Variants in DHRSX observed in about 807,000 individuals in gnomAD.
The protein encoded by DHRSX is dehydrogenase/reductase X-linked, also known as polyprenol dehydrogenase.
DHRSX carries 31 observed loss-of-function variants against 34.0 expected under a neutral mutation model. The observed-to-expected ratio is 0.91, with a 90% CI of 0.69 to 1.23. The LOEUF (loss-of-function observed/expected upper bound fraction) is 1.23, where lower values mean the gene tolerates loss of function less well. Ranked by LOEUF, DHRSX falls within the 50% of genes most tolerant of loss-of-function variation. The pLI, the probability that DHRSX is intolerant of heterozygous loss-of-function variation, is 0.00. For synonymous variants in DHRSX, 201 were observed against 183.8 expected (o/e 1.09, Z -0.76); for missense variants, 414 against 428.1 (o/e 0.97, Z 0.29).
chrX:2,402,052 T>C (rs981857967), intron 3 of DHRSX, among the ~76,000 whole-genome samples: 1 of 151,622 alleles, frequency 6.6e-6, no homozygotes, highest in African/African-American at 2.4e-5. Flanking sequence ...ACCCAAGAAC[T>C]AAGGAGAGAG....
chrX:2,470,682 G>C (rs2044576720), intron 1 of DHRSX, among the ~76,000 whole-genome samples: 1 of 152,120 alleles, frequency 6.6e-6, no homozygotes, highest in African/African-American at 2.4e-5. Context: ...ACTCCAGCCT[G>C]GCTATAGGAT....
intron 3 of DHRSX, among the ~76,000 whole-genome samples, chrX:2,321,579 C>T (rs183254921): frequency 2.0e-5 from 3 of 150,608 alleles, no homozygotes; most frequent in Admixed American, 1.3e-4. Flanking sequence ...TCGTGCTCCA[C>T]CCCCCTCTCT....
At chrX:2,352,855 C>T (rs2042804816) in intron 3 of DHRSX, among the ~76,000 whole-genome samples, 1 of 152,172 alleles carries the variant, frequency 6.6e-6, no homozygotes, top group Non-Finnish European at 1.5e-5. Context: ...TTGAGAACAG[C>T]AGTTCAGCTT....
intron 3 of DHRSX, among the ~76,000 whole-genome samples, chrX:2,350,385 T>C (rs1321354363): frequency 6.6e-6 from 1 of 152,016 alleles, no homozygotes; most frequent in Non-Finnish European, 1.5e-5. Flanking sequence ...ATACAGACAA[T>C]GGAATACCAC....
intron 3 of DHRSX, among the ~76,000 whole-genome samples, chrX:2,406,565 T>C (rs1204778814): frequency 6.6e-6 from 1 of 151,798 alleles, no homozygotes; most frequent in Non-Finnish European, 1.5e-5. Flanking sequence ...CTCAGCCTCC[T>C]GAGTAGCTGG....
At chrX:2,222,463 C>T (rs1390955351) in intron 6 of DHRSX, among the ~76,000 whole-genome samples, 5 of 152,184 alleles carry the variant, frequency 3.3e-5, no homozygotes, top group East Asian at 1.9e-4. Flanking sequence ...TGTGAAATTG[C>T]GAGAGTTTTA....
chrX:2,489,945 C>T (rs778692182), intron 1 of DHRSX: 16 of 1,613,788 alleles, frequency 9.9e-6, no homozygotes, highest in Middle Eastern at 3.3e-4. Flanking sequence ...GCGCTGATGC[C>T]CCACTCGATG....
intron 5 of DHRSX, among the ~76,000 whole-genome samples, chrX:2,254,887 A>AC (rs1422642663): frequency 5.7e-4 from 80 of 141,074 alleles, no homozygotes; most frequent in African/African-American, 1.9e-3. Flanking sequence ...CTTGTGATCC[A>AC]CCCCCTAGGC....
chrX:2,404,250 C>G (rs1242601342), intron 3 of DHRSX, among the ~76,000 whole-genome samples: 2 of 152,068 alleles, frequency 1.3e-5, no homozygotes, highest in Non-Finnish European at 2.9e-5. Context: ...CCCTGGGCAC[C>G]TGCATTTCTT....
intron 1 of DHRSX, among the ~76,000 whole-genome samples, chrX:2,493,864 C>G (rs34643022): frequency 6.6e-6 from 1 of 151,852 alleles, no homozygotes; most frequent in Non-Finnish European, 1.5e-5. Flanking sequence ...CCCAGCTACT[C>G]GGGAGGCTGA....
rs754962533 is a variant in DHRSX at position 2,266,903 on chromosome X, C to T, written c.433G>A (p.Glu145Lys). ...VPQRKTRDGF[E>K]EHFGLNYLGH... ...AGGTAGTTCAGGCCGAAATGTTCTT[C>T]GAATCCATCTCTGGTTTTCCTCTGA... The change falls in exon 5 of 7, where the codon GAA (glutamate) becomes AAA (lysine). Residue 145 changes from glutamate (E) to lysine (K), a missense_variant. Glu to Lys is a moderately conservative substitution (Grantham distance 56, BLOSUM62 1). Transcript: ENST00000334651. 2.5e-6 allele frequency: 4 copies of T among 1,613,942 alleles called. No individual in the cohort carries two copies. Among genetic ancestry groups the T allele is most frequent in the Admixed American group, 1.7e-5 (1 of 60,004 alleles).
At chrX:2,473,305 C>T (rs17842870) in intron 1 of DHRSX, among the ~76,000 whole-genome samples, 30,783 of 151,230 alleles carry the variant, frequency 0.2, 4,223 homozygotes, top group African/African-American at 0.39. Flanking sequence ...AGTTTATCTG[C>T]GAGTTTGAAA....
intron 3 of DHRSX, among the ~76,000 whole-genome samples, chrX:2,354,560 C>T (rs773392042): frequency 6.6e-6 from 1 of 152,312 alleles, no homozygotes; most frequent in East Asian, 1.9e-4. Context: ...CTCCCGGGTT[C>T]ACACCATTCT....
chrX:2,266,831 A>G lies in DHRSX; in HGVS notation c.505T>C (p.Ser169Pro). The G allele has an allele frequency of 1.2e-6, 2 of 1,613,796 alleles. No individual in the cohort carries two copies. The highest frequency in any genetic ancestry group is 1.7e-6 in the Non-Finnish European group (2 of 1,179,830). Residue 169 changes from serine (S) to proline (P), a missense_variant, in exon 5 of 7, where the codon TCT (serine) becomes CCT (proline). Coordinates refer to ENST00000334651, the MANE Select transcript of DHRSX (RefSeq NM_145177.3). Reference protein sequence around the residue: ...TNLLLDTLKESGSPGHSARVV... With the variant: ...TNLLLDTLKEPGSPGHSARVV... The stretch of plus-strand genomic sequence containing the variant: ...CTCGCACTGTGGCCAGGGGACCCAG[A>G]CTCTTTCAGCGTATCCAAGAGAAGG...
At chrX:2,377,468 G>C (rs779834586) in intron 3 of DHRSX, among the ~76,000 whole-genome samples, 1 of 151,992 alleles carries the variant, frequency 6.6e-6, no homozygotes, top group African/African-American at 2.4e-5. Context: ...ATAATCTAAT[G>C]CCACTGCTGA....
rs190013344 is a variant in DHRSX, at chrX:2,283,455, T to C, written c.388+8047A>G. Among the ~76,000 whole-genome samples, 221 of 152,198 alleles carry C rather than the reference T, an allele frequency of 1.5e-3. 4 individuals carry two copies. In the East Asian group the frequency reaches 0.035, roughly 24 times the overall value. Reference sequence around the variant, plus strand: ...GCAGACTCAAGGATCCGCTGACGAATGCATGCGCCGCGATGCAACACTTTC... The same window carrying C: ...GCAGACTCAAGGATCCGCTGACGAACGCATGCGCCGCGATGCAACACTTTC... On this transcript the variant is annotated intron_variant, in intron 4 of 6. Coordinates refer to ENST00000334651, the MANE Select transcript of DHRSX (RefSeq NM_145177.3).
chrX:2,356,139 G>T (rs150421573), intron 3 of DHRSX, among the ~76,000 whole-genome samples: 2,264 of 152,086 alleles, frequency 0.015, 65 homozygotes, highest in African/African-American at 0.051. Context: ...ACTTTGGGAG[G>T]CCGAGGCAGG....
In DHRSX at chrX:2,491,203, G is replaced by T. The variant is rs181347944; in HGVS notation, c.109+9614C>A. ...TCCTGCCTCAGCTTCCTCAGTAGCT[G>T]GGATCACAGGCACCTGCCATCACGC... is the stretch of plus-strand genomic sequence containing the variant. On this transcript the variant is annotated intron_variant, in intron 1 of 6. Coordinates refer to ENST00000334651, the MANE Select transcript of DHRSX (RefSeq NM_145177.3). Among the ~76,000 whole-genome samples, 936 of 151,826 alleles carry T rather than the reference G, an allele frequency of 6.2e-3. 9 individuals are homozygous for T. The highest frequency in any genetic ancestry group is 9.9e-3 in the Non-Finnish European group (671 of 67,982).
intron 1 of DHRSX, among the ~76,000 whole-genome samples, chrX:2,483,157 C>G (rs1413019021): frequency 6.6e-6 from 1 of 152,186 alleles, no homozygotes; most frequent in African/African-American, 2.4e-5. Context: ...GCAATCTCAG[C>G]TCACTGCAGC....
Sources: allele counts gnomAD v4.1 joint callset (sites outside exome capture counted in the v4.1 genomes callset), GRCh38; gene constraint gnomAD v4.1.1; transcripts MANE v1.5; gene names NCBI Gene and HGNC (gene_info 2026-07-23, HGNC 2026-07-21).